The following FHOD1 variants were observed in gnomAD, a reference collection of about 807,000 sequenced individuals.
FHOD1 encodes the protein formin homology 2 domain containing 1.
In FHOD1, 89 loss-of-function variants were observed where a neutral mutation model predicts 111.6. The observed-to-expected ratio is 0.80, with a 90% CI of 0.67 to 0.95. The LOEUF (loss-of-function observed/expected upper bound fraction) is 0.95. Ranked by LOEUF, FHOD1 falls within the 40% of genes least tolerant of loss-of-function variation. FHOD1 has a pLI of 0.00. For synonymous variants in FHOD1, 618 were observed against 639.0 expected (o/e 0.97, Z 0.50); for missense variants, 1,446 against 1,554.2 (o/e 0.93, Z 1.17).
chr16:67,230,749 G>A lies in FHOD1; in HGVS notation c.2710C>T (p.Arg904Cys), dbSNP rs779953131. Residue 904 changes from arginine (R) to cysteine (C), a missense_variant, in exon 18 of 22, where the codon CGC becomes TGC. This residue lies in a region of FHOD1 where 1,085 missense variants were observed against 1,108.8 expected (regional missense o/e 0.98). Coordinates refer to ENST00000258201, the MANE Select transcript of FHOD1 (RefSeq NM_013241.3). ...CTCTCCTCGGCTGCCCGGCTCCGGCGCTCCAGCTGCCCCAGGTTCTCAGTC... is the reference window on the plus strand; with the variant it reads ...CTCTCCTCGGCTGCCCGGCTCCGGCACTCCAGCTGCCCCAGGTTCTCAGTC... ...QLTENLGQLERRSRAAEESLR... is the reference protein window; with the variant it reads ...QLTENLGQLECRSRAAEESLR... 1.9e-5 allele frequency: 30 copies of A among 1,608,012 alleles called. No homozygotes were observed. Among genetic ancestry groups the A allele is most frequent in the Non-Finnish European group, 2.3e-5 (27 of 1,176,930 alleles).
In FHOD1 at chr16:67,234,264, G is replaced by C; in HGVS notation, c.1439C>G (p.Ala480Gly). 6.4e-7 allele frequency: 1 copy of C among 1,566,020 alleles called. No individual in the cohort carries two copies. Among genetic ancestry groups the C allele is most frequent in the East Asian group, 2.3e-5 (1 of 44,242 alleles). The change falls in exon 13 of 22, where the codon GCC becomes GGC. Residue 480 changes from alanine to glycine, a missense_variant. Transcript: ENST00000258201. ...CTCTGGGGAGTCCCAGAGTTGCCGG[G>C]CATCTAAAGAAAGGGAAGGAGCTGT... ...MPNEAGGHPDARQLWDSPETA... is the reference protein window; with the variant it reads ...MPNEAGGHPDGRQLWDSPETA...
intron 13 of FHOD1, 140 bp downstream of exon 13, chr16:67,233,517 A>C: frequency 2.5e-6 from 3 of 1,222,372 alleles, no homozygotes; most frequent in African/African-American, 1.5e-5. Context: ...TTGTTAGGAG[A>C]CCTTGGACAA....
intron 18 of FHOD1, 27 bp downstream of exon 18, chr16:67,230,574 C>G (rs1567382549): frequency 6.2e-7 from 1 of 1,613,606 alleles, no homozygotes; most frequent in South Asian, 1.1e-5. Flanking sequence ...GGTGGCCGTC[C>G]TGCCTCTCTT....
rs1173073374 is a variant in FHOD1 at position 67,230,407 on chromosome 16, C to T, written c.2958G>A (p.Glu986=). The T allele has an allele frequency of 1.2e-6, 2 of 1,614,136 alleles. No individual in the cohort carries two copies. The highest frequency in any genetic ancestry group is 4.5e-5 in the East Asian group (2 of 44,904). ...GCACTCGTTCCCGGCAAGTCCGATACTCAAGCGCAAATTCCCGCAGCGTGT... is the reference window on the plus strand; with the variant it reads ...GCACTCGTTCCCGGCAAGTCCGATATTCAAGCGCAAATTCCCGCAGCGTGT... The part of the protein sequence containing the change: ...FCHTLREFAL[E]YRTCRERVLQ... The change falls in exon 19 of 22, where the codon GAG becomes GAA. Residue 986 remains glutamate (E), a synonymous_variant. Coordinates refer to ENST00000258201, the MANE Select transcript of FHOD1 (RefSeq NM_013241.3).
chr16:67,243,943 G>C (rs2034737371), intron 1 of FHOD1, among the ~76,000 whole-genome samples: 1 of 152,162 alleles, frequency 6.6e-6, no homozygotes, highest in Non-Finnish European at 1.5e-5. Flanking sequence ...GGGGAGGCTA[G>C]GAGGAGACCA....
At chr16:67,245,709 T>C (rs1321511184) in intron 1 of FHOD1, among the ~76,000 whole-genome samples, 1 of 151,510 alleles carries the variant, frequency 6.6e-6, no homozygotes, top group African/African-American at 2.4e-5. Context: ...AGCCCCACTG[T>C]ACTCCAGCCT....
chr16:67,229,982 G>A lies in FHOD1; in HGVS notation c.3223C>T (p.Gln1075Ter), dbSNP rs375544264. ...THNRRSRGMV[Q>*]SSSPIMPTVG... Reference sequence around the variant, plus strand: ...GTGGGCATGATTGGGGAGCTGCTCTGGACCATGCCTGAGGAAGGCCAGATA... The same window carrying A: ...GTGGGCATGATTGGGGAGCTGCTCTAGACCATGCCTGAGGAAGGCCAGATA... The change falls in exon 21 of 22, where the codon CAG becomes TAG. Residue 1075 changes from glutamine to a stop codon, truncating the protein, a stop_gained. Coordinates refer to ENST00000258201, the MANE Select transcript of FHOD1 (RefSeq NM_013241.3). LOFTEE classifies it high-confidence loss of function. 8 of 1,613,870 alleles carry A rather than the reference G, an allele frequency of 5.0e-6. No individual in the cohort carries two copies. The highest frequency in any genetic ancestry group is 6.8e-6 in the Non-Finnish European group (8 of 1,179,870).
At chr16:67,241,271 C>T (rs908562221) in intron 1 of FHOD1, among the ~76,000 whole-genome samples, 4 of 152,142 alleles carry the variant, frequency 2.6e-5, no homozygotes, top group Non-Finnish European at 5.9e-5. Context: ...TCATCTTCTC[C>T]AGGGCCTACT....
In FHOD1 at chr16:67,236,609, T is replaced by C. The variant is rs1162591040; in HGVS notation, c.1267A>G (p.Thr423Ala). The C allele has an allele frequency of 3.1e-6, 5 of 1,612,922 alleles. No individual in the cohort carries two copies. Among genetic ancestry groups the C allele is most frequent in the African/African-American group, 2.7e-5 (2 of 74,696 alleles). Residue 423 changes from threonine (T) to alanine (A), a missense_variant, in exon 11 of 22, where the codon ACC becomes GCC. Transcript: ENST00000258201. ...TCAGCTGAGGGTGCCACAGAGATGG[T>C]AGGAAAAAGGTTCACTGAAGCTTGG... is the stretch of plus-strand genomic sequence containing the variant. ...GLQASVNLFP[T>A]ISVAPSADTS... is the part of the protein sequence containing the mutation.
chr16:67,229,826 C>T lies in FHOD1; in HGVS notation c.3379G>A (p.Glu1127Lys). The change falls in exon 21 of 22, where the codon GAA (glutamate) becomes AAA (lysine). Residue 1127 changes from glutamate (E) to lysine (K), a missense_variant. Glu to Lys is a moderately conservative substitution (Grantham distance 56, BLOSUM62 1). This residue lies in a region of FHOD1 where 1,085 missense variants were observed against 1,108.8 expected (regional missense o/e 0.98). Coordinates refer to ENST00000258201, the MANE Select transcript of FHOD1 (RefSeq NM_013241.3). ...CGGTTGCCGCGGGAACGCTTGCGTT[C>T]CCTAGCAGCTAAGGCACGAGGACTG... Reference protein sequence around the residue: ...KSSPRALAARERKRSRGNRKS... With the variant: ...KSSPRALAARKRKRSRGNRKS... 1 of 1,614,174 alleles carries T rather than the reference C, an allele frequency of 6.2e-7. No homozygotes were observed. The highest frequency in any genetic ancestry group is 8.5e-7 in the Non-Finnish European group (1 of 1,180,026).
chr16:67,246,648 C>T (rs1458748001), intron 1 of FHOD1, among the ~76,000 whole-genome samples: 1 of 152,224 alleles, frequency 6.6e-6, no homozygotes, highest in Non-Finnish European at 1.5e-5. Flanking sequence ...GGATCCCGGG[C>T]CAGACCGCTT....
chr16:67,230,908 A>G (rs758950896), intron 17 of FHOD1, 117 bp from the exon 18 acceptor site: 3 of 1,126,882 alleles, frequency 2.7e-6, no homozygotes, highest in Non-Finnish European at 3.8e-6. Flanking sequence ...AGACATCCAA[A>G]TCTCATAGAC....
chr16:67,233,243 C>T (rs552850534), intron 13 of FHOD1, among the ~76,000 whole-genome samples: 24 of 151,968 alleles, frequency 1.6e-4, no homozygotes, highest in African/African-American at 5.3e-4. Context: ...CCCGCCACCA[C>T]GCTTGGCTAA....
Position 67,231,767 on chromosome 16 carries a change from GCTTCCTCAAT to G in FHOD1, c.2245_2254del (p.Ile749ProfsTer17). The G allele has an allele frequency of 6.2e-7, 1 of 1,614,038 alleles. No individual in the cohort carries two copies. Among genetic ancestry groups the G allele is most frequent in the Middle Eastern group, 1.7e-4 (1 of 6,060 alleles). On this transcript the variant is annotated frameshift_variant, in exon 15 of 22. Coordinates refer to ENST00000258201, the MANE Select transcript of FHOD1 (RefSeq NM_013241.3). LOFTEE classifies it high-confidence loss of function. This position sits in a 1 kb window ranked among gnomAD's most constrained non-coding sequence, Gnocchi z 4.3. ...GGGTATGTCAGGGTTGGCCAGCTGG[GCTTCCTCAAT>G]CTTCTGCCGCTCTTCCTCCGTGGGC...
chr16:67,232,165 G>T lies in FHOD1; in HGVS notation c.2076C>A (p.Thr692=). The T allele has an allele frequency of 6.2e-7, 1 of 1,614,192 alleles. No homozygotes were observed. Among genetic ancestry groups the T allele is most frequent in the Non-Finnish European group, 8.5e-7 (1 of 1,180,030 alleles). ...TGCTGCGCTTGGGGTCCAGCACTGT[G>T]GTCATTGTCCGGCGGCCCTCTCCAG... is the stretch of plus-strand genomic sequence containing the variant. ...KKAGEGRRTM[T]TVLDPKRSNA... The change falls in exon 14 of 22, where the codon ACC becomes ACA. Residue 692 remains threonine (T), a synonymous_variant. Coordinates refer to ENST00000258201, the MANE Select transcript of FHOD1 (RefSeq NM_013241.3).
chr16:67,234,349 C>G lies in FHOD1; in HGVS notation c.1435+8G>C, dbSNP rs763415139. On this transcript the variant is annotated splice_region_variant and intron_variant, in intron 12 of 21. Transcript: ENST00000258201. Reference sequence around the variant, plus strand: ...AGGCAGGCTCTGCCTGCTCACCCACCTACTCACCTGGGTGTCCACCCGCCT... The same window carrying G: ...AGGCAGGCTCTGCCTGCTCACCCACGTACTCACCTGGGTGTCCACCCGCCT... The G allele has an allele frequency of 1.7e-5, 28 of 1,608,902 alleles. No individual in the cohort carries two copies. The highest frequency in any genetic ancestry group is 2.2e-5 in the Non-Finnish European group (26 of 1,178,410).
At chr16:67,236,895 C>G in intron 10 of FHOD1, 71 bp downstream of exon 10, 1 of 1,519,390 alleles carries the variant, frequency 6.6e-7, no homozygotes, top group Non-Finnish European at 8.8e-7. Context: ...GGGTTGGGGT[C>G]AGGGCCTGTC....
chr16:67,231,201 G>A lies in FHOD1; in HGVS notation c.2654C>T (p.Thr885Ile). The A allele has an allele frequency of 1.2e-6, 2 of 1,614,180 alleles. No homozygotes were observed. Among genetic ancestry groups the A allele is most frequent in the Non-Finnish European group, 1.7e-6 (2 of 1,180,018 alleles). Residue 885 changes from threonine to isoleucine, a missense_variant, in exon 17 of 22, where the codon ACC becomes ATC. Transcript: ENST00000258201. The surrounding 1 kb of genome is among the most constrained non-coding windows in gnomAD (Gnocchi z 4.3). ...SDLYSEIPAL[T>I]RCAKVDFEQL... is the part of the protein sequence containing the mutation. The stretch of plus-strand genomic sequence containing the variant: ...GCAGGTGCTAACCTTGGCACAGCGG[G>A]TCAGGGCAGGGATTTCTGAATAGAG...
chr16:67,236,337 C>A (rs115126006), intron 11 of FHOD1: 4 of 1,390,546 alleles, frequency 2.9e-6, no homozygotes, highest in African/African-American at 1.5e-5. Flanking sequence ...GGCAGAACGT[C>A]GGAGGAGACA....
Sources: allele counts gnomAD v4.1 joint callset (sites outside exome capture counted in the v4.1 genomes callset), GRCh38; gene constraint gnomAD v4.1.1; regional missense constraint gnomAD v4.1.1; non-coding constraint Gnocchi (gnomAD v3.1); transcripts MANE v1.5; gene names NCBI Gene and HGNC (gene_info 2026-07-23, HGNC 2026-07-21).